The following BRAP variants were observed in gnomAD, a reference collection of about 807,000 sequenced individuals.
The protein encoded by BRAP is BRCA1 associated protein.
Under a neutral mutation model 73.4 loss-of-function variants are expected in BRAP, and 42 were observed. The observed-to-expected ratio is 0.57, with a 90% CI of 0.45 to 0.74. The LOEUF (loss-of-function observed/expected upper bound fraction) is 0.74. Ranked by LOEUF, BRAP falls within the 30% of genes least tolerant of loss-of-function variation. BRAP has a pLI of 0.00. For missense variants in BRAP, 593 were observed against 751.4 expected, an observed-to-expected ratio of 0.79 and a Z score of 2.46; for synonymous variants, 255 against 267.4, an observed-to-expected ratio of 0.95 and a Z score of 0.45.
rs1364872028 is a variant in BRAP, at chr12:111,658,741, A to G, written c.1216T>C (p.Leu406=). 2 of 1,573,730 alleles carry G rather than the reference A, an allele frequency of 1.3e-6. No individual in the cohort carries two copies. Among genetic ancestry groups the G allele is most frequent in the South Asian group, 2.2e-5 (2 of 90,064 alleles). Reference sequence around the variant, plus strand: ...TAACTCATTAAATCTCTTACCTCTAACTGTAAGGCATCTATTTTCTCTTCC... The same window carrying G: ...TAACTCATTAAATCTCTTACCTCTAGCTGTAAGGCATCTATTTTCTCTTCC... The part of the protein sequence containing the change: ...CQEEKIDALQ[L]EYSYLLTSQL... The change falls in exon 9 of 12, where the codon TTA becomes CTA. Residue 406 remains leucine (L), a synonymous_variant. Coordinates refer to ENST00000419234, the MANE Select transcript of BRAP (RefSeq NM_006768.5).
In BRAP at chr12:111,645,142, C is replaced by G. The variant is rs558376340; in HGVS notation, c.1416-580G>C. Among the ~76,000 whole-genome samples, 47 of 152,056 alleles carry G rather than the reference C, an allele frequency of 3.1e-4. 1 individual carries two copies. Among genetic ancestry groups the G allele is most frequent in the Middle Eastern group, 3.4e-3 (1 of 294 alleles). On this transcript the variant is annotated intron_variant, in intron 11 of 11. Coordinates refer to ENST00000419234, the MANE Select transcript of BRAP (RefSeq NM_006768.5). ...GGAATGCAGTGGCGTGATCTTGGCT[C>G]ACTGCAACCTCTGCCGCTTGGGTTC... is the stretch of plus-strand genomic sequence containing the variant.
intron 10 of BRAP, among the ~76,000 whole-genome samples, chr12:111,653,664 A>C (rs1376547053): frequency 1.3e-5 from 2 of 152,162 alleles, no homozygotes; most frequent in Non-Finnish European, 1.5e-5. Flanking sequence ...CATCAACAGA[A>C]GGCCCACAAA....
chr12:111,678,133 T>C (rs932273290), intron 4 of BRAP, among the ~76,000 whole-genome samples: 2 of 150,254 alleles, frequency 1.3e-5, no homozygotes, highest in Non-Finnish European at 2.9e-5. Flanking sequence ...ATGCCTATAA[T>C]CCCAGCTACT....
At chr12:111,654,903 G>A (rs1886465141) in intron 10 of BRAP, among the ~76,000 whole-genome samples, 1 of 152,140 alleles carries the variant, frequency 6.6e-6, no homozygotes, top group Admixed American at 6.6e-5. Context: ...AAGGTTCCTA[G>A]AGCCATAATT....
intron 4 of BRAP, among the ~76,000 whole-genome samples, chr12:111,678,686 A>ATTTTT (rs748418829): frequency 2.4e-5 from 3 of 125,966 alleles, no homozygotes; most frequent in African/African-American, 6.1e-5. Flanking sequence ...AACACACTAG[A>ATTTTT]TTTTTTTTTT....
intron 7 of BRAP, among the ~76,000 whole-genome samples, chr12:111,659,792 G>GT (rs1161640938): frequency 3.3e-5 from 5 of 152,292 alleles, no homozygotes; most frequent in East Asian, 1.9e-4. Flanking sequence ...TGAGGCAGGA[G>GT]TATCGCTTGA....
intron 7 of BRAP, among the ~76,000 whole-genome samples, chr12:111,660,398 C>G (rs1886701141): frequency 6.6e-6 from 1 of 151,870 alleles, no homozygotes; most frequent in African/African-American, 2.4e-5. Flanking sequence ...ACTTGCAATC[C>G]CAGCACTATG....
chr12:111,654,547 C>G (rs1317967555), intron 10 of BRAP, among the ~76,000 whole-genome samples: 3 of 152,216 alleles, frequency 2.0e-5, no homozygotes, highest in Non-Finnish European at 2.9e-5. Flanking sequence ...AACTCCTGAC[C>G]TCAAGTGATC....
intron 2 of BRAP, among the ~76,000 whole-genome samples, chr12:111,682,246 G>A (rs1312975800): frequency 6.6e-6 from 1 of 152,176 alleles, no homozygotes; most frequent in Admixed American, 6.5e-5. Context: ...GGCTGGCCGG[G>A]TGCAGTGGCT....
chr12:111,649,815 T>G, intron 11 of BRAP, 124 bp downstream of exon 11: 1 of 637,638 alleles, frequency 1.6e-6, no homozygotes, highest in Non-Finnish European at 2.6e-6. Flanking sequence ...GCCTGTTCCA[T>G]ATATAGGGAG....
intron 6 of BRAP, among the ~76,000 whole-genome samples, chr12:111,664,875 G>C (rs80178062): frequency 0.016 from 2,370 of 152,206 alleles, 72 homozygotes; most frequent in African/African-American, 0.054. Flanking sequence ...TTCTCAGGTG[G>C]TCCTGGCTTC....
chr12:111,669,612 C>A (rs1348398336), intron 5 of BRAP, among the ~76,000 whole-genome samples: 1 of 152,032 alleles, frequency 6.6e-6, no homozygotes, highest in Non-Finnish European at 1.5e-5. Flanking sequence ...TTATCTGTAA[C>A]CTTTGGAAAC....
chr12:111,679,466 T>C, intron 3 of BRAP, 126 bp from the exon 4 acceptor site: 3 of 586,172 alleles, frequency 5.1e-6, no homozygotes, highest in South Asian at 5.9e-5. Context: ...TAATGAACTG[T>C]TCTATATTAT....
chr12:111,659,407 T>G, intron 7 of BRAP, 62 bp from the exon 8 acceptor site: 2 of 1,521,418 alleles, frequency 1.3e-6, no homozygotes, highest in Non-Finnish European at 1.8e-6. Context: ...CTGGGCGCGA[T>G]GGCTCGGAGG....
rs1885940602 is a variant in BRAP, at chr12:111,642,664, G to A, written c.*1535C>T. Reference sequence around the variant, plus strand: ...TTTAAATAAAATAGAATCTCTATAGGAAAGAGAATTAGGTTATGCTTTACA... The same window carrying A: ...TTTAAATAAAATAGAATCTCTATAGAAAAGAGAATTAGGTTATGCTTTACA... On this transcript the variant is annotated 3_prime_UTR_variant, in exon 12 of 12. Coordinates refer to ENST00000419234, the MANE Select transcript of BRAP (RefSeq NM_006768.5). 6.6e-6 allele frequency: 1 copy of A among 152,142 alleles called. No individual in the cohort carries two copies. The highest frequency in any genetic ancestry group is 1.5e-5 in the Non-Finnish European group (1 of 68,026). 9.4% of individuals were successfully genotyped at this position (152,142 alleles called of 1,614,324 possible). A position where few individuals can be genotyped will look rare whatever the true frequency, so the allele number is the denominator to read the frequency against.
chr12:111,685,746 G>T lies in BRAP; in HGVS notation c.47C>A (p.Ser16Ter). The change falls in exon 1 of 12, where the codon TCG becomes TAG. Residue 16 changes from serine (S) to a stop codon, truncating the protein, a stop_gained. Coordinates refer to ENST00000419234, the MANE Select transcript of BRAP (RefSeq NM_006768.5). LOFTEE classifies it high-confidence loss of function. ...GAAGCCGAAGCCGGCGGGGACAGGC[G>T]AGTGTTCCGCGAGCTCCAATCGGAT... ...VVIRLELAEH[S>*]PVPAGFGFSA... The T allele has an allele frequency of 6.2e-7, 1 of 1,609,890 alleles. No homozygotes were observed. Among genetic ancestry groups the T allele is most frequent in the Non-Finnish European group, 8.5e-7 (1 of 1,178,908 alleles).
chr12:111,658,020 C>A (rs1343373826), intron 9 of BRAP, among the ~76,000 whole-genome samples: 1 of 151,670 alleles, frequency 6.6e-6, no homozygotes, highest in Non-Finnish European at 1.5e-5. Context: ...CTCACTGCAA[C>A]CCCTGCCTCC....
intron 6 of BRAP, among the ~76,000 whole-genome samples, chr12:111,661,080 A>G (rs974409772): frequency 1.3e-5 from 2 of 151,904 alleles, no homozygotes; most frequent in Non-Finnish European, 2.9e-5. Context: ...CCCAGGTTCA[A>G]GCGATTCTCC....
intron 1 of BRAP, 88 bp downstream of exon 1, chr12:111,685,623 G>C: frequency 6.9e-7 from 1 of 1,438,914 alleles, no homozygotes; most frequent in Non-Finnish European, 9.1e-7. Context: ...CCCTCGCCGC[G>C]GGCTTTTCCC....
Sources: allele counts gnomAD v4.1 joint callset (sites outside exome capture counted in the v4.1 genomes callset), GRCh38; gene constraint gnomAD v4.1.1; transcripts MANE v1.5; gene names NCBI Gene and HGNC (gene_info 2026-07-23, HGNC 2026-07-21).